Variants in TEAD1 observed in about 807,000 individuals in gnomAD.
TEAD1 encodes the protein transcriptional enhancer factor TEF-1.
Under a neutral mutation model 54.9 loss-of-function variants are expected in TEAD1, and 9 were observed. The observed-to-expected ratio is 0.16, with a 90% CI of 0.10 to 0.29. TEAD1 has a LOEUF of 0.29. Among genes scored for constraint, TEAD1 ranks in the 10% least tolerant of loss-of-function variants. TEAD1 has a pLI of 1.00. For missense variants in TEAD1, 387 were observed against 535.9 expected, an observed-to-expected ratio of 0.72 and a Z score of 2.74; for synonymous variants, 200 against 187.8, an observed-to-expected ratio of 1.07 and a Z score of -0.53.
At chr11:12,928,870 G>T (rs1028742256) in intron 11 of TEAD1, among the ~76,000 whole-genome samples, 3 of 152,126 alleles carry the variant, frequency 2.0e-5, no homozygotes, top group African/African-American at 7.2e-5. Context: ...CAATTTTTGT[G>T]GTGAGAACAC....
intron 3 of TEAD1, among the ~76,000 whole-genome samples, chr11:12,857,971 A>G (rs1473686030): frequency 6.6e-6 from 1 of 152,184 alleles, no homozygotes. Flanking sequence ...CTGTAGTCCC[A>G]TGAGCTACCA....
intron 3 of TEAD1, among the ~76,000 whole-genome samples, chr11:12,768,087 C>G (rs1300055447): frequency 2.6e-5 from 4 of 152,152 alleles, no homozygotes; most frequent in Admixed American, 6.5e-5. Flanking sequence ...ACCCCATAAT[C>G]AAATAGGGCA....
At chr11:12,726,514 T>A (rs971371864) in intron 2 of TEAD1, among the ~76,000 whole-genome samples, 2 of 151,910 alleles carry the variant, frequency 1.3e-5, no homozygotes, top group African/African-American at 4.8e-5. Context: ...GTGTCATAAG[T>A]AAACAATGAC....
At chr11:12,844,089 A>G (rs1009509522) in intron 3 of TEAD1, among the ~76,000 whole-genome samples, 3 of 152,198 alleles carry the variant, frequency 2.0e-5, no homozygotes, top group African/African-American at 4.8e-5. Flanking sequence ...AAGAATGTAC[A>G]TTAAATATTC....
chr11:12,831,092 G>A (rs542934409), intron 3 of TEAD1, among the ~76,000 whole-genome samples: 25 of 152,266 alleles, frequency 1.6e-4, no homozygotes, highest in East Asian at 9.7e-4. Flanking sequence ...TTTGGCAGAC[G>A]AAGCTCTCTC....
At chr11:12,921,876 C>T (rs1472076702) in intron 10 of TEAD1, among the ~76,000 whole-genome samples, 1 of 152,132 alleles carries the variant, frequency 6.6e-6, no homozygotes, top group Non-Finnish European at 1.5e-5. Flanking sequence ...TGCTGAGCTG[C>T]TCTTTTGTGG....
chr11:12,739,206 ATCTATCTATCTATCTG>A lies in TEAD1; in HGVS notation c.-54-24957_-54-24942del, dbSNP rs1290313448. On this transcript the variant is annotated intron_variant, in intron 2 of 12. Coordinates refer to ENST00000527636, the MANE Select transcript of TEAD1 (RefSeq NM_021961.6). ...CTTTGAGGTCTCATTCTTTCTATCT[ATCTATCTATCTATCTG>A]TCTATCTATCTATCTATCTATCAGT... Among the ~76,000 whole-genome samples the A allele has an allele frequency of 7.9e-3, 1,132 of 142,650 alleles. 7 individuals are homozygous for A. Among genetic ancestry groups the A allele is most frequent in the African/African-American group, 0.028 (998 of 36,132 alleles). The allele number at this position is 142,650 out of a possible 152,430, so 93.6% of individuals were successfully genotyped here. A position where few individuals can be genotyped will look rare whatever the true frequency, so the allele number is the denominator to read the frequency against.
At chr11:12,796,907 C>G (rs892320365) in intron 3 of TEAD1, among the ~76,000 whole-genome samples, 7 of 152,036 alleles carry the variant, frequency 4.6e-5, no homozygotes, top group South Asian at 4.2e-4. Flanking sequence ...GTCAGGAGAT[C>G]GAGAACATCC....
At chr11:12,861,611 A>G (rs1391706913) in intron 3 of TEAD1, among the ~76,000 whole-genome samples, 1 of 152,244 alleles carries the variant, frequency 6.6e-6, no homozygotes, top group Non-Finnish European at 1.5e-5. Context: ...TTAGTCCCAG[A>G]CTAATCCTTG....
intron 9 of TEAD1, among the ~76,000 whole-genome samples, chr11:12,895,251 G>C (rs1016356933): frequency 2.0e-5 from 3 of 152,140 alleles, no homozygotes; most frequent in Non-Finnish European, 4.4e-5. Flanking sequence ...TGACTTTCGA[G>C]GGTTGCATTC....
At chr11:12,914,439 A>T (rs1309661976) in intron 10 of TEAD1, among the ~76,000 whole-genome samples, 1 of 152,150 alleles carries the variant, frequency 6.6e-6, no homozygotes, top group Non-Finnish European at 1.5e-5. Flanking sequence ...CTGCTGTCTC[A>T]TCATTGGGTT....
chr11:12,845,844 C>G (rs940465817), intron 3 of TEAD1, among the ~76,000 whole-genome samples: 1 of 152,220 alleles, frequency 6.6e-6, no homozygotes, highest in Non-Finnish European at 1.5e-5. Context: ...CTCTGGGTGT[C>G]CCAGGGGGCT....
At chr11:12,862,983 G>A (rs1272512700) in intron 4 of TEAD1, among the ~76,000 whole-genome samples, 1 of 151,550 alleles carries the variant, frequency 6.6e-6, no homozygotes, top group Non-Finnish European at 1.5e-5. Flanking sequence ...GAACTGGAAC[G>A]AATGAGAAAT....
chr11:12,731,426 G>T (rs1590093590), intron 2 of TEAD1, among the ~76,000 whole-genome samples: 1 of 151,930 alleles, frequency 6.6e-6, no homozygotes, highest in African/African-American at 2.4e-5. Flanking sequence ...TTTGATGTGG[G>T]TGTATATTGT....
chr11:12,872,898 A>G (rs746647381), intron 5 of TEAD1, among the ~76,000 whole-genome samples: 2 of 152,196 alleles, frequency 1.3e-5, no homozygotes, highest in African/African-American at 2.4e-5. Flanking sequence ...TGCAAGCACC[A>G]TACTAAGTAC....
intron 3 of TEAD1, among the ~76,000 whole-genome samples, chr11:12,846,303 A>C (rs1947151269): frequency 6.6e-6 from 1 of 151,290 alleles, no homozygotes; most frequent in East Asian, 2.0e-4. Flanking sequence ...CACCTGCCCA[A>C]AGGATTTTTA....
rs376354302 is a variant in TEAD1, at chr11:12,815,933, A to G, written c.203-46317A>G. ...CAAGTTAAGATCATGTATATGACGTAGAGCTAATCCTTTTAAATTACATGT... is the reference window on the plus strand; with the variant it reads ...CAAGTTAAGATCATGTATATGACGTGGAGCTAATCCTTTTAAATTACATGT... On this transcript the variant is annotated intron_variant, in intron 3 of 12. Transcript: ENST00000527636. 4.6e-5 allele frequency among the ~76,000 whole-genome samples: 7 copies of G among 152,240 alleles called. No homozygotes were observed. In the East Asian group the frequency reaches 1.2e-3, roughly 25 times the overall value.
chr11:12,889,550 A>T (rs960318069), intron 9 of TEAD1, among the ~76,000 whole-genome samples: 4 of 152,108 alleles, frequency 2.6e-5, no homozygotes, highest in African/African-American at 9.7e-5. Flanking sequence ...GGAGTTACAC[A>T]ACCAGAGGAG....
At chr11:12,809,800 G>C (rs1212564321) in intron 3 of TEAD1, among the ~76,000 whole-genome samples, 1 of 152,106 alleles carries the variant, frequency 6.6e-6, no homozygotes, top group African/African-American at 2.4e-5. Context: ...CTTGGCTTTA[G>C]CTGTGGCCAG....
Sources: gnomAD v4.1 joint callset for allele counts (sites outside exome capture counted in the v4.1 genomes callset) on GRCh38, gnomAD v4.1.1 for gene constraint, MANE v1.5 for transcripts, NCBI Gene and HGNC (gene_info 2026-07-23, HGNC 2026-07-21) for gene names.